Variants in PLXDC2 observed in about 807,000 individuals in gnomAD.
PLXDC2 encodes the protein plexin domain containing 2.
In PLXDC2, 40 loss-of-function variants were observed where a neutral mutation model predicts 68.9. The ratio of observed to expected loss-of-function variants is 0.58; its 90% confidence interval spans 0.45 to 0.76. PLXDC2 has a LOEUF of 0.76. PLXDC2 is among the 30% of genes least tolerant of loss of function. PLXDC2 has a pLI of 0.00. For missense variants in PLXDC2, 644 were observed against 661.9 expected (o/e 0.97, Z 0.30); for synonymous variants, 243 against 234.2 (o/e 1.04, Z -0.34).
intron 4 of PLXDC2, among the ~76,000 whole-genome samples, chr10:20,078,389 A>G (rs1836489091): frequency 6.6e-6 from 1 of 152,194 alleles, no homozygotes; most frequent in Admixed American, 6.5e-5. Context: ...TCTCTAAAAA[A>G]ATAGAATAAA....
chr10:19,876,128 A>C (rs555325678), intron 1 of PLXDC2, among the ~76,000 whole-genome samples: 1 of 152,066 alleles, frequency 6.6e-6, no homozygotes. Context: ...TGTTTACACT[A>C]TGGGTCTGGG....
chr10:19,906,588 G>A (rs1833162243), intron 1 of PLXDC2, among the ~76,000 whole-genome samples: 1 of 152,114 alleles, frequency 6.6e-6, no homozygotes, highest in South Asian at 2.1e-4. Flanking sequence ...GAGGTGGTTA[G>A]GGGTGTGGGT....
chr10:20,006,016 G>A (rs553679771), intron 2 of PLXDC2, among the ~76,000 whole-genome samples: 11 of 152,022 alleles, frequency 7.2e-5, no homozygotes, highest in Admixed American at 5.9e-4. Context: ...AAGGTGAAAC[G>A]TCATCTCTAC....
Position 19,860,035 on chromosome 10 carries a change from C to T in PLXDC2, c.112+42844C>T, listed in dbSNP as rs566926492. On this transcript the variant is annotated intron_variant, in intron 1 of 13. Coordinates refer to ENST00000377252, the MANE Select transcript of PLXDC2 (RefSeq NM_032812.9). The stretch of plus-strand genomic sequence containing the variant: ...GTGAGCCACTGTGCCCTGCCAGAAA[C>T]CTATTTGTATTCAAAGAAAATCCTA... 2.6e-5 allele frequency among the ~76,000 whole-genome samples: 4 copies of T among 152,232 alleles called. No homozygotes were observed. In the East Asian group the frequency reaches 7.7e-4, roughly 29 times the overall value.
intron 1 of PLXDC2, among the ~76,000 whole-genome samples, chr10:19,948,327 A>G (rs1321873989): frequency 2.6e-5 from 4 of 152,054 alleles, no homozygotes; most frequent in Non-Finnish European, 4.4e-5. Context: ...GGGAAAATAA[A>G]CAAGACTATT....
At chr10:20,217,389 T>C (rs749086933) in intron 10 of PLXDC2, 37 bp from the exon 11 acceptor site, 5 of 1,552,140 alleles carry the variant, frequency 3.2e-6, no homozygotes, top group Non-Finnish European at 4.4e-6. Flanking sequence ...AGATTTGTGA[T>C]CACTCCATTT....
intron 2 of PLXDC2, among the ~76,000 whole-genome samples, chr10:20,029,195 A>G (rs1240068104): frequency 6.6e-6 from 1 of 152,174 alleles, no homozygotes; most frequent in East Asian, 1.9e-4. Context: ...TAGAAGGCTT[A>G]TAGACTGAGT....
Position 20,279,878 on chromosome 10 carries a change from C to A in PLXDC2, c.*59C>A. 1 of 1,411,912 alleles carries A rather than the reference C, an allele frequency of 7.1e-7. No individual in the cohort carries two copies. The highest frequency in any genetic ancestry group is 1.0e-6 in the Non-Finnish European group (1 of 1,001,312). The allele number at this position is 1,411,912 out of a possible 1,614,324, so 87.5% of individuals were successfully genotyped here. Reference sequence around the variant, plus strand: ...TACAGGTGTTAAGACTAAAATTTTGCCTATACCTTTAAGACAAACAAACAA... The same window carrying A: ...TACAGGTGTTAAGACTAAAATTTTGACTATACCTTTAAGACAAACAAACAA... On this transcript the variant is annotated 3_prime_UTR_variant, in exon 14 of 14. Transcript: ENST00000377252.
chr10:20,145,161 A>G (rs1412685172), intron 5 of PLXDC2, among the ~76,000 whole-genome samples: 1 of 152,222 alleles, frequency 6.6e-6, no homozygotes, highest in African/African-American at 2.4e-5. Context: ...GAGAATTGTA[A>G]AAGTATTAAT....
intron 4 of PLXDC2, among the ~76,000 whole-genome samples, chr10:20,132,828 A>G (rs1327432911): frequency 6.6e-6 from 1 of 151,936 alleles, no homozygotes; most frequent in African/African-American, 2.4e-5. Flanking sequence ...TGTAATCCAT[A>G]CATTTAAAGT....
chr10:20,001,710 C>T (rs1564653024), intron 1 of PLXDC2, 65 bp from the exon 2 acceptor site: 9 of 1,442,366 alleles, frequency 6.2e-6, no homozygotes, highest in South Asian at 3.6e-5. Context: ...CTTCTCGAGC[C>T]GATAGCACTT....
At position 19,891,720 on chromosome 10, in the gene PLXDC2, C is replaced by T. The variant is rs540625272; in HGVS notation, c.112+74529C>T. Among the ~76,000 whole-genome samples, 8 of 152,302 alleles carry T rather than the reference C, an allele frequency of 5.3e-5. No homozygotes were observed. The East Asian group carries it at 1.2e-3, about 22-fold the overall frequency. ...GGCATGATTGAGGAAACTTCTCTTT[C>T]GCTTGTAGATTAATTTCGTTTAGCT... On this transcript the variant is annotated intron_variant, in intron 1 of 13. Transcript: ENST00000377252.
chr10:20,041,457 C>G (rs1454266159), intron 2 of PLXDC2, among the ~76,000 whole-genome samples: 1 of 152,040 alleles, frequency 6.6e-6, no homozygotes, highest in African/African-American at 2.4e-5. Flanking sequence ...ATAAGATTTC[C>G]TTGTTTAATC....
chr10:20,017,597 C>T (rs1472705771), intron 2 of PLXDC2, among the ~76,000 whole-genome samples: 1 of 152,214 alleles, frequency 6.6e-6, no homozygotes, highest in Non-Finnish European at 1.5e-5. Flanking sequence ...CTCACACAGA[C>T]TTCCTCCGAA....
At chr10:20,244,044 G>T (rs997495292) in intron 12 of PLXDC2, among the ~76,000 whole-genome samples, 13 of 151,722 alleles carry the variant, frequency 8.6e-5, no homozygotes, top group African/African-American at 3.2e-4. Flanking sequence ...GGGCCTGGAC[G>T]ACAGAGCGAG....
chr10:20,085,501 C>T (rs1411677579), intron 4 of PLXDC2, among the ~76,000 whole-genome samples: 1 of 152,106 alleles, frequency 6.6e-6, no homozygotes, highest in Non-Finnish European at 1.5e-5. Flanking sequence ...GCATAGCATC[C>T]ACATTTTTGT....
chr10:19,820,217 T>C (rs1000098976), intron 1 of PLXDC2, among the ~76,000 whole-genome samples: 1 of 152,222 alleles, frequency 6.6e-6, no homozygotes, highest in Non-Finnish European at 1.5e-5. Flanking sequence ...CAGTGTGATC[T>C]TCAGAAATAA....
intron 4 of PLXDC2, among the ~76,000 whole-genome samples, chr10:20,103,035 G>T (rs1302452531): frequency 6.6e-6 from 1 of 152,116 alleles, no homozygotes; most frequent in Admixed American, 6.6e-5. Context: ...GAAGACATTT[G>T]CTAACAGGTG....
intron 1 of PLXDC2, among the ~76,000 whole-genome samples, chr10:19,939,729 A>G (rs1337626459): frequency 6.6e-6 from 1 of 152,218 alleles, no homozygotes; most frequent in Non-Finnish European, 1.5e-5. Context: ...AACTTCCTTC[A>G]TATAATGATG....
Sources: allele counts gnomAD v4.1 joint callset (sites outside exome capture counted in the v4.1 genomes callset), GRCh38; gene constraint gnomAD v4.1.1; transcripts MANE v1.5; gene names NCBI Gene and HGNC (gene_info 2026-07-23, HGNC 2026-07-21).